The following RANGAP1 variants were observed in gnomAD, a reference collection of about 807,000 sequenced individuals.
RANGAP1 encodes ran GTPase-activating protein 1.
Under a neutral mutation model 63.5 loss-of-function variants are expected in RANGAP1, and 38 were observed. The observed-to-expected ratio is 0.60, with a 90% CI of 0.46 to 0.78. RANGAP1 has a LOEUF of 0.78. Among genes scored for constraint, RANGAP1 ranks in the 30% least tolerant of loss-of-function variants. RANGAP1 has a pLI of 0.00. For missense variants in RANGAP1, 630 were observed against 740.3 expected, an observed-to-expected ratio of 0.85 and a Z score of 1.73; for synonymous variants, 329 against 310.5, an observed-to-expected ratio of 1.06 and a Z score of -0.63.
At chr22:41,285,585 G>C (rs1015243212) in intron 1 of RANGAP1, 61 of 985,338 alleles carry the variant, frequency 6.2e-5, no homozygotes, top group Non-Finnish European at 7.3e-5. Context: ...GGCCCCCGCG[G>C]GCGTGGGCCT....
chr22:41,250,997 C>T lies in RANGAP1; in HGVS notation c.1483+10G>A, dbSNP rs1177657634. The T allele has an allele frequency of 6.2e-7, 1 of 1,611,434 alleles. No homozygotes were observed. The highest frequency in any genetic ancestry group is 2.2e-5 in the East Asian group (1 of 44,876). ...CAGAGGGCACCCAGGTCTCACCCAG[C>T]CCACATTACCTACTGCATCCTGCAC... is the stretch of plus-strand genomic sequence containing the variant. On this transcript the variant is annotated intron_variant, in intron 13 of 15. Transcript: ENST00000356244.
At chr22:41,265,240 G>C (rs948826979) in intron 4 of RANGAP1, among the ~76,000 whole-genome samples, 3 of 152,242 alleles carry the variant, frequency 2.0e-5, no homozygotes, top group Non-Finnish European at 2.9e-5. Flanking sequence ...CATGGGCTTT[G>C]GGTGGAAGGG....
chr22:41,267,694 G>C (rs1168725049), intron 4 of RANGAP1, among the ~76,000 whole-genome samples: 2 of 152,220 alleles, frequency 1.3e-5, no homozygotes, highest in Non-Finnish European at 1.5e-5. Flanking sequence ...GCCAGAGAAA[G>C]ATGGGGACGG....
chr22:41,256,388 G>C (rs2033836877), intron 8 of RANGAP1, 98 bp from the exon 9 acceptor site: 7 of 1,246,256 alleles, frequency 5.6e-6, no homozygotes, highest in Non-Finnish European at 8.0e-6. Context: ...GATATGGCAG[G>C]CTCTGTCCTC....
In RANGAP1 at chr22:41,268,101, G is replaced by A; in HGVS notation, c.296C>T (p.Ala99Val). 2 of 1,553,428 alleles carry A rather than the reference G, an allele frequency of 1.3e-6. No individual in the cohort carries two copies. Among genetic ancestry groups the A allele is most frequent in the African/African-American group, 1.4e-5 (1 of 73,400 alleles). Residue 99 changes from alanine to valine, a missense_variant, in exon 4 of 16, where the codon GCC becomes GTC. Transcript: ENST00000356244. ...TGRLRTEIPPALISLGEGLIT... is the reference protein window; with the variant it reads ...TGRLRTEIPPVLISLGEGLIT... ...AAGAGCGGCTAGTTCGCTTACCAGG[G>A]CTGGTGGGATCTCGGTCCGCAGCCT... is the stretch of plus-strand genomic sequence containing the variant.
At chr22:41,255,898 G>A in intron 10 of RANGAP1, 123 bp downstream of exon 10, 1 of 973,626 alleles carries the variant, frequency 1.0e-6, no homozygotes, top group East Asian at 2.6e-5. Context: ...AAGCTGCAGT[G>A]AGCCGAGATC....
the RANGAP1 span, among the ~76,000 whole-genome samples, chr22:41,294,681 G>A: frequency 7.1e-6 from 1 of 140,772 alleles, no homozygotes; most frequent in African/African-American, 2.7e-5. Flanking sequence ...CGTCTGAGAT[G>A]TGGGGAGCAC....
At chr22:41,258,409 C>T (rs1238934556) in intron 6 of RANGAP1, among the ~76,000 whole-genome samples, 9 of 152,218 alleles carry the variant, frequency 5.9e-5, no homozygotes, top group Non-Finnish European at 1.2e-4. Context: ...AGTCTGGTGT[C>T]CTCAGCACAG....
At chr22:41,266,287 T>C (rs1377141037) in intron 4 of RANGAP1, among the ~76,000 whole-genome samples, 1 of 145,080 alleles carries the variant, frequency 6.9e-6, no homozygotes, top group Non-Finnish European at 1.5e-5. Context: ...CTCCACCACA[T>C]GCCATCTTCT....
At chr22:41,267,320 C>T (rs2034538166) in intron 4 of RANGAP1, among the ~76,000 whole-genome samples, 1 of 152,046 alleles carries the variant, frequency 6.6e-6, no homozygotes, top group South Asian at 2.1e-4. Context: ...GCCTGGGCAA[C>T]AGAGCAAGAC....
At chr22:41,299,623 G>C in the RANGAP1 span, among the ~76,000 whole-genome samples, 76 of 152,288 alleles carry the variant, frequency 5.0e-4, no homozygotes, top group African/African-American at 1.8e-3. Flanking sequence ...TTGGCTCATA[G>C]TAAAGAAGCG....
chr22:41,287,132 A>G (rs551137159), upstream of RANGAP1, among the ~76,000 whole-genome samples: 2 of 152,336 alleles, frequency 1.3e-5, no homozygotes, highest in South Asian at 4.1e-4. Flanking sequence ...GTACAGGGTT[A>G]TGTAAGAGAC....
chr22:41,252,022 T>C (rs972834788), intron 12 of RANGAP1, among the ~76,000 whole-genome samples: 1 of 152,132 alleles, frequency 6.6e-6, no homozygotes, highest in Non-Finnish European at 1.5e-5. Flanking sequence ...CCTCCGAGCC[T>C]CCGCTTTCTT....
chr22:41,253,305 C>T (rs59164529), intron 11 of RANGAP1, among the ~76,000 whole-genome samples: 4,066 of 152,296 alleles, frequency 0.027, 182 homozygotes, highest in African/African-American at 0.089. Flanking sequence ...TACGGAGGCA[C>T]ATGGGGGCTA....
intron 13 of RANGAP1, among the ~76,000 whole-genome samples, chr22:41,250,530 G>A (rs1477317872): frequency 6.6e-6 from 1 of 152,202 alleles, no homozygotes; most frequent in East Asian, 1.9e-4. Context: ...CAGACAGGGT[G>A]GGGAGAGGGT....
At chr22:41,301,270 G>A in the RANGAP1 span, among the ~76,000 whole-genome samples, 357 of 152,314 alleles carry the variant, frequency 2.3e-3, 1 homozygote, top group Non-Finnish European at 3.7e-3. Flanking sequence ...GGGGAAGGGC[G>A]GAGGCGCTGG....
chr22:41,252,301 C>CA (rs1381449609), intron 12 of RANGAP1, among the ~76,000 whole-genome samples: 1 of 151,690 alleles, frequency 6.6e-6, no homozygotes, highest in Admixed American at 6.6e-5. Flanking sequence ...GACTCCATCT[C>CA]AAAAAAATAA....
the RANGAP1 span, among the ~76,000 whole-genome samples, chr22:41,291,593 T>G: frequency 1.5e-4 from 5 of 32,644 alleles, no homozygotes; most frequent in African/African-American, 3.1e-4. Flanking sequence ...GTGAGATCCA[T>G]CTTAAAAAAA....
chr22:41,252,566 A>G (rs1569173595), intron 12 of RANGAP1, among the ~76,000 whole-genome samples: 1 of 152,188 alleles, frequency 6.6e-6, no homozygotes, highest in Non-Finnish European at 1.5e-5. Flanking sequence ...CTGACGGAAC[A>G]CGCAGAGAGA....
Sources: allele counts gnomAD v4.1 joint callset (sites outside exome capture counted in the v4.1 genomes callset), GRCh38; gene constraint gnomAD v4.1.1; transcripts MANE v1.5; gene names NCBI Gene and HGNC (gene_info 2026-07-23, HGNC 2026-07-21).